CELF4: variants seen among roughly 807,000 people sequenced by gnomAD.
The protein encoded by CELF4 is CUG-BP- and ETR-3-like factor 4.
A neutral mutation model predicts 59.9 loss-of-function variants in CELF4; 18 were observed. That is an observed-to-expected ratio of 0.30 (90% CI 0.21 to 0.45). The LOEUF is 0.45. Ranked by LOEUF, CELF4 falls within the 20% of genes least tolerant of loss-of-function variation. The pLI, the probability that CELF4 is intolerant of heterozygous loss-of-function variation, is 1.00. For synonymous variants in CELF4, 261 were observed against 267.1 expected (o/e 0.98, Z 0.22); for missense variants, 456 against 689.0 (o/e 0.66, Z 3.79).
chr18:37,311,711 C>G (rs897255286), intron 3 of CELF4, among the ~76,000 whole-genome samples: 2 of 148,312 alleles, frequency 1.3e-5, no homozygotes, highest in Admixed American at 6.9e-5. Flanking sequence ...ATTGCTTGAA[C>G]CCGGGAGGCG....
chr18:37,502,623 C>A (rs1236470415), intron 1 of CELF4, among the ~76,000 whole-genome samples: 1 of 152,148 alleles, frequency 6.6e-6, no homozygotes, highest in Non-Finnish European at 1.5e-5. Context: ...TGCTGGGCAC[C>A]ATTGGGGAGC....
intron 1 of CELF4, among the ~76,000 whole-genome samples, chr18:37,550,507 G>C (rs2099982854): frequency 1.3e-5 from 2 of 152,220 alleles, no homozygotes; most frequent in African/African-American, 4.8e-5. Context: ...CTTTCCCAGA[G>C]TTGGTGCTCT....
In CELF4 at chr18:37,491,940, G is replaced by A. The variant is rs1454744546; in HGVS notation, c.287-6333C>T. ...GATAAAAGGCCCTTGTCATTGTGAA[G>A]TGAAGGAAGTACAATTTCCTGCCCA... On this transcript the variant is annotated intron_variant, in intron 1 of 12. Transcript: ENST00000420428. Among the ~76,000 whole-genome samples, 8 of 152,332 alleles carry A rather than the reference G, an allele frequency of 5.3e-5. No homozygotes were observed. The South Asian group carries it at 1.0e-3, about 20-fold the overall frequency.
At chr18:37,336,324 T>G (rs775931981) in intron 2 of CELF4, among the ~76,000 whole-genome samples, 1 of 152,176 alleles carries the variant, frequency 6.6e-6, no homozygotes, top group Admixed American at 6.5e-5. Context: ...GCTGGGGCTA[T>G]AGGCATGTAC....
intron 2 of CELF4, among the ~76,000 whole-genome samples, chr18:37,347,459 TCTG>T (rs2098303498): frequency 6.6e-6 from 1 of 152,062 alleles, no homozygotes; most frequent in African/African-American, 2.4e-5. Context: ...TGTGCCTGAG[TCTG>T]CTTTTATTCT....
intron 2 of CELF4, among the ~76,000 whole-genome samples, chr18:37,380,677 TCATC>T (rs1307881119): frequency 5.6e-4 from 82 of 146,450 alleles, no homozygotes; most frequent in African/African-American, 1.6e-3. Flanking sequence ...CCTGATTTAG[TCATC>T]CATCCATCCA....
At chr18:37,506,062 C>G (rs2974271) in intron 1 of CELF4, among the ~76,000 whole-genome samples, 119,553 of 145,976 alleles carry the variant, frequency 0.82, 51,164 homozygotes, top group East Asian at 0.96. Flanking sequence ...GTTTCTCCCC[C>G]CTCCCCTCCC....
Position 37,244,897 on chromosome 18 carries a change from C to T in CELF4, c.*345G>A, listed in dbSNP as rs1187585050. The T allele has an allele frequency of 3.3e-5, 5 of 152,634 alleles. No homozygotes were observed. Among genetic ancestry groups the T allele is most frequent in the African/African-American group, 1.2e-4 (5 of 41,474 alleles). The allele number at this position is 152,634 out of a possible 1,614,324, so 9.5% of individuals were successfully genotyped here. A position where few individuals can be genotyped will look rare whatever the true frequency, so the allele number is the denominator to read the frequency against. On this transcript the variant is annotated 3_prime_UTR_variant, in exon 13 of 13. Transcript: ENST00000420428. The stretch of plus-strand genomic sequence containing the variant: ...GCAGCGTCTCCTCCCAGCTCCCAGC[C>T]CTTCAGCCTCCCCGTCTGCTCGTGA...
intron 2 of CELF4, among the ~76,000 whole-genome samples, chr18:37,454,635 C>A (rs553976518): frequency 8.0e-4 from 121 of 152,126 alleles, no homozygotes; most frequent in Non-Finnish European, 1.5e-3. Flanking sequence ...ATTATGACCA[C>A]CCATCAATAT....
chr18:37,317,530 T>G (rs2096909629), intron 3 of CELF4, among the ~76,000 whole-genome samples: 1 of 152,196 alleles, frequency 6.6e-6, no homozygotes, highest in African/African-American at 2.4e-5. Context: ...GTGCCTCAGC[T>G]GGAGCTCATT....
chr18:37,296,769 G>A (rs918270026), intron 3 of CELF4, among the ~76,000 whole-genome samples: 2 of 152,138 alleles, frequency 1.3e-5, no homozygotes, highest in East Asian at 1.9e-4. Flanking sequence ...CCCCATTGAC[G>A]GTCCAGCATC....
intron 2 of CELF4, among the ~76,000 whole-genome samples, chr18:37,378,316 G>A (rs569672706): frequency 2.0e-5 from 3 of 152,126 alleles, no homozygotes; most frequent in South Asian, 2.1e-4. Flanking sequence ...CAGTGGCTCC[G>A]CAGGGCTGGG....
At chr18:37,511,019 C>T (rs1241726563) in intron 1 of CELF4, among the ~76,000 whole-genome samples, 2 of 152,178 alleles carry the variant, frequency 1.3e-5, no homozygotes, top group Non-Finnish European at 2.9e-5. Flanking sequence ...CTGGTCATCA[C>T]CATCCCCACC....
intron 6 of CELF4, chr18:37,273,417 C>T: frequency 8.1e-7 from 1 of 1,229,532 alleles, no homozygotes; most frequent in Non-Finnish European, 1.0e-6. Flanking sequence ...TTGCTAGGGG[C>T]AGAGGAGGAG....
At chr18:37,395,057 G>A (rs2099225809) in intron 2 of CELF4, among the ~76,000 whole-genome samples, 1 of 151,440 alleles carries the variant, frequency 6.6e-6, no homozygotes, top group Non-Finnish European at 1.5e-5. Flanking sequence ...TCTGTCCAAG[G>A]CCCGTGGCCA....
At position 37,245,425 on chromosome 18, in the gene CELF4, A is replaced by C. The variant is rs1353418374; in HGVS notation, c.*45-228T>G. 1.3e-5 allele frequency among the ~76,000 whole-genome samples: 2 copies of C among 152,132 alleles called. No individual in the cohort carries two copies. The highest frequency in any genetic ancestry group is 6.5e-5 in the Admixed American group (1 of 15,274). Reference sequence around the variant, plus strand: ...TGGGAGGTCTAGTGGTGATGGTTGTAGCTGAGGTTTCGTTGTTGGGAGAAG... The same window carrying C: ...TGGGAGGTCTAGTGGTGATGGTTGTCGCTGAGGTTTCGTTGTTGGGAGAAG... On this transcript the variant is annotated intron_variant, in intron 12 of 12. Transcript: ENST00000420428. This position sits in a 1 kb window ranked among gnomAD's most constrained non-coding sequence, Gnocchi z 4.1.
intron 1 of CELF4, among the ~76,000 whole-genome samples, chr18:37,527,775 T>C (rs1260939482): frequency 6.6e-6 from 1 of 152,204 alleles, no homozygotes; most frequent in African/African-American, 2.4e-5. Context: ...CCACACATGC[T>C]TTACCTCCTC....
intron 2 of CELF4, among the ~76,000 whole-genome samples, chr18:37,401,782 A>G (rs1482227211): frequency 6.6e-6 from 1 of 152,178 alleles, no homozygotes; most frequent in Non-Finnish European, 1.5e-5. Flanking sequence ...CTTCCCACCA[A>G]AGCATACTTA....
At chr18:37,272,197 C>T (rs974359185) in intron 7 of CELF4, among the ~76,000 whole-genome samples, 5 of 152,212 alleles carry the variant, frequency 3.3e-5, no homozygotes, top group African/African-American at 1.2e-4. Context: ...TAGGACTAGA[C>T]TAGCGTTTCT....
Sources: allele counts gnomAD v4.1 joint callset (sites outside exome capture counted in the v4.1 genomes callset), GRCh38; gene constraint gnomAD v4.1.1; non-coding constraint Gnocchi (gnomAD v3.1); transcripts MANE v1.5; gene names NCBI Gene and HGNC (gene_info 2026-07-23, HGNC 2026-07-21).